PSMD1: variants seen among roughly 807,000 people sequenced by gnomAD.
PSMD1 encodes 26S proteasome non-ATPase regulatory subunit 1.
In PSMD1, 18 loss-of-function variants were observed where a neutral mutation model predicts 119.0. The observed-to-expected ratio is 0.15, with a 90% CI of 0.10 to 0.22. The LOEUF (loss-of-function observed/expected upper bound fraction) is 0.22, where lower values mean the gene tolerates loss of function less well. PSMD1 is among the 10% of genes least tolerant of loss of function. PSMD1 has a pLI of 1.00. For missense variants in PSMD1, 702 were observed against 1,158.5 expected (o/e 0.61, Z 5.72); for synonymous variants, 374 against 396.6 (o/e 0.94, Z 0.68).
At chr2:231,083,884 T>G (rs980880275) in intron 14 of PSMD1, 121 bp downstream of exon 14, 1 of 945,742 alleles carries the variant, frequency 1.1e-6, no homozygotes, top group African/African-American at 1.7e-5. Context: ...ATAAAACTTC[T>G]GGCAATGTAT....
intron 16 of PSMD1, among the ~76,000 whole-genome samples, chr2:231,102,375 C>A (rs1382622549): frequency 6.6e-6 from 1 of 151,976 alleles, no homozygotes; most frequent in African/African-American, 2.4e-5. Flanking sequence ...CATCACTGAC[C>A]CCACAACTCT....
At chr2:231,123,322 T>C in intron 16 of PSMD1, 1 of 966,214 alleles carries the variant, frequency 1.0e-6, no homozygotes, top group Non-Finnish European at 1.7e-6. Context: ...ATCTTTTATT[T>C]CAAGAAAAGT....
chr2:231,075,658 C>T, intron 8 of PSMD1, 87 bp downstream of exon 8: 3 of 1,157,870 alleles, frequency 2.6e-6, no homozygotes, highest in Non-Finnish European at 3.7e-6. Context: ...CGGCTCACTA[C>T]AACCTCTGCC....
intron 17 of PSMD1, among the ~76,000 whole-genome samples, chr2:231,141,004 A>G (rs958652456): frequency 2.0e-5 from 3 of 151,886 alleles, no homozygotes; most frequent in African/African-American, 7.2e-5. Context: ...CCCCTTCTCT[A>G]CTAAAAATAC....
intron 16 of PSMD1, among the ~76,000 whole-genome samples, chr2:231,105,954 A>ATT (rs66732217): frequency 3.0e-4 from 37 of 124,048 alleles, no homozygotes; most frequent in South Asian, 7.4e-4. Flanking sequence ...TGTCATTTTC[A>ATT]TTTTTTTTTT....
At chr2:231,122,156 T>C (rs1695567372) in intron 16 of PSMD1, among the ~76,000 whole-genome samples, 2 of 152,162 alleles carry the variant, frequency 1.3e-5, no homozygotes, top group Admixed American at 1.3e-4. Flanking sequence ...TGTTAATTAT[T>C]AGAAAGTCTA....
intron 13 of PSMD1, 64 bp downstream of exon 13, chr2:231,083,058 G>A: frequency 2.6e-6 from 3 of 1,167,606 alleles, no homozygotes; most frequent in Non-Finnish European, 2.5e-6. Context: ...AATTACATTA[G>A]TTTCTACCTA....
chr2:231,094,957 C>G (rs1694689433), intron 16 of PSMD1, among the ~76,000 whole-genome samples: 1 of 152,152 alleles, frequency 6.6e-6, no homozygotes, highest in Non-Finnish European at 1.5e-5. Context: ...TATTAACTAG[C>G]TGGATATAGG....
chr2:231,117,894 A>T (rs1476345845), intron 16 of PSMD1, among the ~76,000 whole-genome samples: 1 of 152,164 alleles, frequency 6.6e-6, no homozygotes, highest in African/African-American at 2.4e-5. Flanking sequence ...TGATCCTCTG[A>T]ACAGTTACAT....
chr2:231,158,519 G>A (rs1277327544), intron 19 of PSMD1, among the ~76,000 whole-genome samples: 1 of 152,156 alleles, frequency 6.6e-6, no homozygotes, highest in Non-Finnish European at 1.5e-5. Context: ...ATCTCAGAAT[G>A]TTAGAACAAA....
At chr2:231,136,789 A>C (rs1297053371) in intron 16 of PSMD1, among the ~76,000 whole-genome samples, 1 of 151,598 alleles carries the variant, frequency 6.6e-6, no homozygotes, top group Non-Finnish European at 1.5e-5. Context: ...CATTTGTCCA[A>C]TTCTTCCAAT....
chr2:231,069,424 T>C (rs1480154336), intron 5 of PSMD1, among the ~76,000 whole-genome samples: 3 of 152,232 alleles, frequency 2.0e-5, no homozygotes, highest in African/African-American at 7.2e-5. Context: ...CTCCTGTAGC[T>C]TTCAGTGTGC....
At chr2:231,157,904 G>A (rs1263301453) in intron 19 of PSMD1, among the ~76,000 whole-genome samples, 1 of 151,796 alleles carries the variant, frequency 6.6e-6, no homozygotes, top group East Asian at 1.9e-4. Context: ...TCACTGTTAT[G>A]AGCATAGAAT....
chr2:231,137,410 C>T (rs1403877077), intron 16 of PSMD1, among the ~76,000 whole-genome samples: 1 of 152,132 alleles, frequency 6.6e-6, no homozygotes, highest in Non-Finnish European at 1.5e-5. Context: ...CCACTGTGCC[C>T]GCCTTTAATA....
Position 231,079,529 on chromosome 2 carries a change from T to C in PSMD1, c.1161-7T>C. On this transcript the variant is annotated splice_region_variant and splice_polypyrimidine_tract_variant and intron_variant, in intron 10 of 24. Coordinates refer to ENST00000308696, the MANE Select transcript of PSMD1 (RefSeq NM_002807.4). Reference sequence around the variant, plus strand: ...CACTAATTAAAATACATCATCTTTTTTTACAGAGATAATTTGGAATGGTTA... The same window carrying C: ...CACTAATTAAAATACATCATCTTTTCTTACAGAGATAATTTGGAATGGTTA... 2 of 1,580,662 alleles carry C rather than the reference T, an allele frequency of 1.3e-6. No individual in the cohort carries two copies. The highest frequency in any genetic ancestry group is 1.7e-6 in the Non-Finnish European group (2 of 1,158,060).
rs374202899 is a variant in PSMD1 at position 231,087,086 on chromosome 2, G to A, written c.1819-31G>A. The A allele has an allele frequency of 3.8e-6, 6 of 1,594,698 alleles. No individual in the cohort carries two copies. In the African/African-American group the frequency reaches 8.1e-5, roughly 21 times the overall value. ...GTTTGGTCTAGTGGTAGACTACATA[G>A]TATAATATAATCTTAAACTTTTCCC... On this transcript the variant is annotated intron_variant, in intron 15 of 24. Transcript: ENST00000308696.
intron 16 of PSMD1, among the ~76,000 whole-genome samples, chr2:231,107,089 G>A (rs113327312): frequency 0.03 from 4,531 of 152,106 alleles, 112 homozygotes; most frequent in Non-Finnish European, 0.045. Context: ...TCTTAGACTA[G>A]TAGTAGGGAA....
intron 16 of PSMD1, among the ~76,000 whole-genome samples, chr2:231,103,181 T>TG (rs983709284): frequency 6.6e-6 from 1 of 152,210 alleles, no homozygotes; most frequent in Non-Finnish European, 1.5e-5. Flanking sequence ...ATGGAAATGT[T>TG]GAATAAAACA....
chr2:231,074,124 G>A (rs1004201102), intron 7 of PSMD1, among the ~76,000 whole-genome samples: 9 of 151,774 alleles, frequency 5.9e-5, no homozygotes, highest in African/African-American at 2.2e-4. Context: ...TTATTTTCGA[G>A]ACAGAGTCTC....
Sources: allele counts gnomAD v4.1 joint callset (sites outside exome capture counted in the v4.1 genomes callset), GRCh38; gene constraint gnomAD v4.1.1; transcripts MANE v1.5; gene names NCBI Gene and HGNC (gene_info 2026-07-23, HGNC 2026-07-21).